ARHGAP22: variants seen among roughly 807,000 people sequenced by gnomAD.
The protein encoded by ARHGAP22 is rho GTPase-activating protein 22.
ARHGAP22 carries 48 observed loss-of-function variants against 59.1 expected under a neutral mutation model. That is an observed-to-expected ratio of 0.81 (90% CI 0.64 to 1.03). The LOEUF is 1.03. ARHGAP22 is among the 50% of genes least tolerant of loss of function. The pLI is 0.00. For synonymous variants in ARHGAP22, 445 were observed against 416.4 expected, an observed-to-expected ratio of 1.07 and a Z score of -0.84; for missense variants, 1,015 against 958.7, an observed-to-expected ratio of 1.06 and a Z score of -0.78.
At chr10:48,609,448 T>A (rs1029520414), upstream of ARHGAP22, among the ~76,000 whole-genome samples, 7 of 152,218 alleles carry the variant, frequency 4.6e-5, no homozygotes, top group African/African-American at 9.6e-5. Flanking sequence ...CACTTTGGAA[T>A]TCCCATGTAG....
chr10:48,592,770 C>T (rs923018201), intron 1 of ARHGAP22, among the ~76,000 whole-genome samples: 1 of 152,190 alleles, frequency 6.6e-6, no homozygotes, highest in Non-Finnish European at 1.5e-5. Context: ...TCCCAGGGTT[C>T]CCCCATCTCA....
chr10:48,430,121 C>A, the ARHGAP22 span: 3 of 152,136 alleles, frequency 2.0e-5, no homozygotes, highest in African/African-American at 4.8e-5. Context: ...TGAGATGGAG[C>A]CTTGCTCCGT....
chr10:48,470,282 G>C (rs988243291), intron 4 of ARHGAP22, among the ~76,000 whole-genome samples: 5 of 152,214 alleles, frequency 3.3e-5, no homozygotes, highest in Admixed American at 2.0e-4. Flanking sequence ...ACCTTTGCAG[G>C]AAGCAGTAGT....
intron 1 of ARHGAP22, among the ~76,000 whole-genome samples, chr10:48,630,311 C>T (rs918063243): frequency 3.3e-5 from 5 of 152,214 alleles, no homozygotes; most frequent in South Asian, 2.1e-4. Flanking sequence ...GGGATGTTCT[C>T]GATCTCTTGA....
chr10:48,460,256 C>T (rs557513600), intron 4 of ARHGAP22, among the ~76,000 whole-genome samples: 5 of 152,174 alleles, frequency 3.3e-5, no homozygotes, highest in Admixed American at 1.3e-4. Flanking sequence ...CCATCCAGTG[C>T]CCATCAACAG....
chr10:48,507,098 T>A (rs758650951), intron 3 of ARHGAP22, among the ~76,000 whole-genome samples: 7 of 152,182 alleles, frequency 4.6e-5, no homozygotes, highest in African/African-American at 9.7e-5. Flanking sequence ...ACCATCATCA[T>A]CTTAGCCATC....
chr10:48,466,593 CAACA>C (rs2047721366), intron 4 of ARHGAP22: 1 of 145,824 alleles, frequency 6.9e-6, no homozygotes, highest in South Asian at 2.1e-4. Flanking sequence ...GGCGGGCGCG[CAACA>C]AGCGGGCAAG....
At chr10:48,505,510 G>A (rs1172782491) in intron 3 of ARHGAP22, among the ~76,000 whole-genome samples, 1 of 151,982 alleles carries the variant, frequency 6.6e-6, no homozygotes, top group African/African-American at 2.4e-5. Context: ...TGGCTGTCCT[G>A]CCAGGCTGTC....
intron 5 of ARHGAP22, 61 bp from the exon 6 acceptor site, chr10:48,455,195 C>G: frequency 2.0e-6 from 3 of 1,502,088 alleles, no homozygotes; most frequent in Non-Finnish European, 2.7e-6. Flanking sequence ...TCAGGGGTGA[C>G]TGGTACGCCC....
chr10:48,536,196 CGAG>C (rs758867713), intron 3 of ARHGAP22, among the ~76,000 whole-genome samples: 1 of 152,212 alleles, frequency 6.6e-6, no homozygotes, highest in Non-Finnish European at 1.5e-5. Flanking sequence ...CTCTGCCAGA[CGAG>C]GGCACTGGGT....
At chr10:48,463,302 TG>T (rs1401752671) in intron 4 of ARHGAP22, among the ~76,000 whole-genome samples, 3 of 152,334 alleles carry the variant, frequency 2.0e-5, no homozygotes, top group Admixed American at 6.5e-5. Flanking sequence ...CTTTGACCTC[TG>T]GGGCACAGAC....
At chr10:48,495,031 G>C (rs146243298) in intron 3 of ARHGAP22, among the ~76,000 whole-genome samples, 1 of 152,164 alleles carries the variant, frequency 6.6e-6, no homozygotes, top group Non-Finnish European at 1.5e-5. Context: ...AGTCTTACAC[G>C]ACTTTCTCTA....
At chr10:48,513,097 T>A (rs12768529) in intron 3 of ARHGAP22, among the ~76,000 whole-genome samples, 1 of 152,202 alleles carries the variant, frequency 6.6e-6, no homozygotes, top group Non-Finnish European at 1.5e-5. Flanking sequence ...GAGAGCATTG[T>A]CATATTTGAT....
At chr10:48,466,300 A>T (rs2047672331) in intron 4 of ARHGAP22, among the ~76,000 whole-genome samples, 1 of 151,054 alleles carries the variant, frequency 6.6e-6, no homozygotes, top group Non-Finnish European at 1.5e-5. Flanking sequence ...CCTCGTCTCT[A>T]CATGCGGGAC....
At chr10:48,641,686 A>C (rs1468955108) in intron 1 of ARHGAP22, among the ~76,000 whole-genome samples, 3 of 152,226 alleles carry the variant, frequency 2.0e-5, no homozygotes, top group African/African-American at 7.2e-5. Context: ...AACTGGCACA[A>C]GACAGGGATG....
intron 3 of ARHGAP22, among the ~76,000 whole-genome samples, chr10:48,509,005 G>A (rs999536708): frequency 1.3e-5 from 2 of 152,258 alleles, no homozygotes; most frequent in Admixed American, 6.5e-5. Context: ...CTGCCCACAG[G>A]GGAAGGCAGA....
chr10:48,563,317 C>T (rs573617302), intron 2 of ARHGAP22, among the ~76,000 whole-genome samples: 2 of 151,668 alleles, frequency 1.3e-5, no homozygotes, highest in East Asian at 3.9e-4. Context: ...CCTCAGCCTC[C>T]CCAGTAGCTG....
At chr10:48,510,757 A>T (rs2052676499) in intron 3 of ARHGAP22, 1 of 152,320 alleles carries the variant, frequency 6.6e-6, no homozygotes, top group Non-Finnish European at 1.5e-5. Flanking sequence ...AGCCAAGAGC[A>T]CAGGGATCCC....
intron 1 of ARHGAP22, among the ~76,000 whole-genome samples, chr10:48,594,074 G>C (rs1404574504): frequency 6.6e-6 from 1 of 152,200 alleles, no homozygotes; most frequent in Non-Finnish European, 1.5e-5. Flanking sequence ...AGCAATTAAA[G>C]GATCATTATT....
Sources: allele counts gnomAD v4.1 joint callset (sites outside exome capture counted in the v4.1 genomes callset), GRCh38; gene constraint gnomAD v4.1.1; transcripts MANE v1.5; gene names NCBI Gene and HGNC (gene_info 2026-07-23, HGNC 2026-07-21).